Variants in SHANK2 observed in about 807,000 individuals in gnomAD.
SHANK2 encodes SH3 and multiple ankyrin repeat domains 2, also known as SH3 and multiple ankyrin repeat domains protein 2.
SHANK2 carries 43 observed loss-of-function variants against 133.7 expected under a neutral mutation model. The ratio of observed to expected loss-of-function variants is 0.32; its 90% confidence interval spans 0.25 to 0.41. The LOEUF is 0.41. Among genes scored for constraint, SHANK2 ranks in the 10% least tolerant of loss-of-function variants. The pLI is 1.00. For missense variants in SHANK2, 1,994 were observed against 2,235.8 expected (o/e 0.89, Z 2.18); for synonymous variants, 1,017 against 952.8 (o/e 1.07, Z -1.24).
intron 8 of SHANK2, among the ~76,000 whole-genome samples, chr11:71,086,207 A>C (rs1951410062): frequency 1.9e-5 from 1 of 53,652 alleles, no homozygotes; most frequent in Non-Finnish European, 3.3e-5. Context: ...ATTATATAAT[A>C]TATTATGTTA....
At chr11:71,100,510 A>C (rs1951700296) in intron 6 of SHANK2, among the ~76,000 whole-genome samples, 1 of 152,250 alleles carries the variant, frequency 6.6e-6, no homozygotes, top group African/African-American at 2.4e-5. Context: ...GAATGAAGCC[A>C]ATCTGAAAAG....
intron 15 of SHANK2, among the ~76,000 whole-genome samples, chr11:70,680,496 G>A (rs1945004226): frequency 6.6e-6 from 1 of 152,128 alleles, no homozygotes. Flanking sequence ...CATCGTCCCA[G>A]CTCCCCACTC....
intron 13 of SHANK2, among the ~76,000 whole-genome samples, chr11:70,799,384 CAG>C (rs1356024405): frequency 6.6e-6 from 1 of 151,820 alleles, no homozygotes; most frequent in East Asian, 1.9e-4. Context: ...GCCTGGGTGA[CAG>C]AGTGAGACTC....
At chr11:70,502,167 A>C in intron 19 of SHANK2, 39 bp downstream of exon 19, 1 of 1,546,438 alleles carries the variant, frequency 6.5e-7, no homozygotes, top group East Asian at 2.4e-5. Context: ...AGGGACCGGC[A>C]TGGTGACTGT....
In SHANK2 at chr11:70,486,083, C is replaced by T. The variant is rs1555153245; in HGVS notation, c.4210G>A (p.Asp1404Asn). ...GGCAATGGCTCTGTAAAAATAAAAT[C>T]CTCATCCAAGTCCACGGATGCCAGA... The part of the protein sequence containing the change: ...PPLASVDLDE[D>N]FIFTEPLPPP... Residue 1404 changes from aspartate (D) to asparagine (N), a missense_variant, in exon 25 of 26, where the codon GAT becomes AAT. This residue lies in a region of SHANK2 where 797 missense variants were observed against 907.4 expected (regional missense o/e 0.88). Coordinates refer to ENST00000601538, the MANE Select transcript of SHANK2 (RefSeq NM_012309.5). This position sits in a 1 kb window ranked among gnomAD's most constrained non-coding sequence, Gnocchi z 8.0. 1.2e-6 allele frequency: 2 copies of T among 1,613,968 alleles called. No homozygotes were observed. The highest frequency in any genetic ancestry group is 3.3e-5 in the Admixed American group (2 of 59,990).
intron 11 of SHANK2, among the ~76,000 whole-genome samples, chr11:70,856,112 G>A (rs1238199055): frequency 1.3e-5 from 2 of 151,968 alleles, no homozygotes; most frequent in African/African-American, 4.8e-5. Context: ...GAGGATGGGT[G>A]AATGGGTGGT....
chr11:70,728,008 T>C (rs1159171000), intron 14 of SHANK2, among the ~76,000 whole-genome samples: 2 of 152,234 alleles, frequency 1.3e-5, no homozygotes. Context: ...GCATTTATTG[T>C]GTTTAGTGTT....
At chr11:71,090,716 T>C (rs1398345573) in intron 8 of SHANK2, among the ~76,000 whole-genome samples, 3 of 152,082 alleles carry the variant, frequency 2.0e-5, no homozygotes, top group African/African-American at 4.8e-5. Context: ...AGAGAATTTT[T>C]AAAAGTTTAG....
chr11:70,884,162 T>C (rs1462550619), intron 11 of SHANK2, among the ~76,000 whole-genome samples: 3 of 152,170 alleles, frequency 2.0e-5, no homozygotes, highest in Non-Finnish European at 4.4e-5. Flanking sequence ...CCGAGTAGTG[T>C]TTCCCACCAG....
At chr11:71,110,166 C>T (rs555356037) in intron 5 of SHANK2, 117 bp from the exon 6 acceptor site, 76 of 738,090 alleles carry the variant, frequency 1.0e-4, no homozygotes, top group Admixed American at 2.4e-4. Flanking sequence ...TGGCTGCACA[C>T]GGTGGCTCAC....
chr11:70,802,686 G>T (rs1388624989), intron 13 of SHANK2, among the ~76,000 whole-genome samples: 1 of 152,192 alleles, frequency 6.6e-6, no homozygotes, highest in Non-Finnish European at 1.5e-5. Flanking sequence ...TGCAGGATTT[G>T]GGGCAGACAC....
At chr11:70,773,527 C>G (rs1036132778) in intron 14 of SHANK2, among the ~76,000 whole-genome samples, 3 of 152,198 alleles carry the variant, frequency 2.0e-5, no homozygotes. Context: ...CATTTATGCT[C>G]AAAGGACTAC....
At chr11:70,541,671 C>A (rs1448476252) in intron 17 of SHANK2, among the ~76,000 whole-genome samples, 1 of 152,226 alleles carries the variant, frequency 6.6e-6, no homozygotes, top group Non-Finnish European at 1.5e-5. Flanking sequence ...GGAAACGGTG[C>A]CCCCCACAAA....
At chr11:70,532,286 C>T (rs2059483728) in intron 17 of SHANK2, among the ~76,000 whole-genome samples, 1 of 152,136 alleles carries the variant, frequency 6.6e-6, no homozygotes, top group Admixed American at 6.5e-5. Flanking sequence ...CCCTGGACAA[C>T]TGTGTAGGTT....
At chr11:71,149,208 G>C (rs1434261736) in intron 2 of SHANK2, among the ~76,000 whole-genome samples, 18 of 152,194 alleles carry the variant, frequency 1.2e-4, no homozygotes, top group African/African-American at 4.3e-4. Context: ...TGGAGGAAAA[G>C]CAGGTGCGAG....
intron 10 of SHANK2, among the ~76,000 whole-genome samples, chr11:70,899,770 C>A (rs1455817555): frequency 3.3e-5 from 5 of 152,168 alleles, no homozygotes; most frequent in African/African-American, 1.2e-4. Flanking sequence ...GGCCTCCCTG[C>A]CCACAGGCCC....
At chr11:70,655,203 G>T (rs1555011278) in intron 17 of SHANK2, among the ~76,000 whole-genome samples, 1 of 152,222 alleles carries the variant, frequency 6.6e-6, no homozygotes, top group Non-Finnish European at 1.5e-5. Flanking sequence ...ACACATGAGT[G>T]CTGTCACCAG....
At chr11:71,068,338 G>A (rs1413363573) in intron 9 of SHANK2, among the ~76,000 whole-genome samples, 1 of 152,214 alleles carries the variant, frequency 6.6e-6, no homozygotes, top group Non-Finnish European at 1.5e-5. Context: ...ACAGAAGACT[G>A]CATCCTGACC....
chr11:71,079,749 G>C (rs1205885044), intron 8 of SHANK2, among the ~76,000 whole-genome samples: 1 of 149,806 alleles, frequency 6.7e-6, no homozygotes, highest in Non-Finnish European at 1.5e-5. Context: ...GACAGAGTGA[G>C]ACTCCGAGAA....
Sources: gnomAD v4.1 joint callset for allele counts (sites outside exome capture counted in the v4.1 genomes callset) on GRCh38, gnomAD v4.1.1 for gene constraint, gnomAD v4.1.1 regional missense constraint, Gnocchi (gnomAD v3.1) non-coding constraint, MANE v1.5 for transcripts, NCBI Gene and HGNC (gene_info 2026-07-23, HGNC 2026-07-21) for gene names.